CYFIP1: variants seen among roughly 807,000 people sequenced by gnomAD.
CYFIP1 encodes the protein cytoplasmic FMR1-interacting protein 1.
CYFIP1 carries 58 observed loss-of-function variants against 163.5 expected under a neutral mutation model. The observed-to-expected ratio is 0.35, with a 90% CI of 0.29 to 0.44. The LOEUF (loss-of-function observed/expected upper bound fraction) is 0.44, where lower values mean the gene tolerates loss of function less well. Ranked by LOEUF, CYFIP1 falls within the 20% of genes least tolerant of loss-of-function variation. The pLI, the probability that CYFIP1 is intolerant of heterozygous loss-of-function variation, is 1.00. For missense variants in CYFIP1, 1,338 were observed against 1,653.8 expected (o/e 0.81, Z 3.31); for synonymous variants, 663 against 660.7 (o/e 1.00, Z -0.05).
intron 1 of CYFIP1, among the ~76,000 whole-genome samples, chr15:22,965,385 G>T (rs2062870077): frequency 6.6e-6 from 1 of 152,210 alleles, no homozygotes; most frequent in South Asian, 2.1e-4. Flanking sequence ...CTTGAACCTG[G>T]AAGGCAGAGG....
At chr15:22,962,992 C>G (rs897696788) in intron 1 of CYFIP1, among the ~76,000 whole-genome samples, 1 of 152,148 alleles carries the variant, frequency 6.6e-6, no homozygotes, top group African/African-American at 2.4e-5. Flanking sequence ...AATACCTGGG[C>G]AACACATGCT....
chr15:22,903,879 G>A lies in CYFIP1; in HGVS notation c.2415C>T (p.Asn805=), dbSNP rs143458231. The A allele has an allele frequency of 3.7e-6, 6 of 1,614,128 alleles. No individual in the cohort carries two copies. Among genetic ancestry groups the A allele is most frequent in the South Asian group, 1.1e-5 (1 of 91,086 alleles). The change falls in exon 22 of 31, where the codon AAC becomes AAT. Residue 805 remains asparagine (N), a synonymous_variant. Coordinates refer to ENST00000617928, the MANE Select transcript of CYFIP1 (RefSeq NM_014608.6). ...GGCTCAGCAGCTTGTGGGTCATGCG[G>A]TTGATTTCCAACAGGCCATCCAGCT... The part of the protein sequence containing the change: ...IVELDGLLEI[N]RMTHKLLSRY...
At chr15:22,915,424 C>T (rs1003364811) in intron 16 of CYFIP1, among the ~76,000 whole-genome samples, 4 of 151,976 alleles carry the variant, frequency 2.6e-5, no homozygotes, top group African/African-American at 9.7e-5. Context: ...CTGTGTCTTA[C>T]CTAAAAATGT....
At chr15:22,872,337 A>G (rs1027350819) in intron 30 of CYFIP1, among the ~76,000 whole-genome samples, 4 of 151,970 alleles carry the variant, frequency 2.6e-5, no homozygotes, top group Non-Finnish European at 5.9e-5. Flanking sequence ...CTGATACAAC[A>G]AAGAGATGTG....
intron 16 of CYFIP1, chr15:22,915,135 T>TC (rs1268627636): frequency 8.1e-6 from 3 of 371,006 alleles, no homozygotes; most frequent in Non-Finnish European, 1.4e-5. Flanking sequence ...AGTGTCTTTT[T>TC]TTTTTTTTTG....
chr15:22,927,764 A>C, intron 12 of CYFIP1, 142 bp downstream of exon 12: 2 of 795,692 alleles, frequency 2.5e-6, no homozygotes, highest in Admixed American at 4.1e-5. Context: ...GATGTACTTA[A>C]AATCACCTTG....
In CYFIP1 at chr15:22,879,093, G is replaced by A. The variant is rs543185453; in HGVS notation, c.3042+820C>T. Among the ~76,000 whole-genome samples, 572 of 150,276 alleles carry A rather than the reference G, an allele frequency of 3.8e-3. 1 individual carries two copies. Among genetic ancestry groups the A allele is most frequent in the Non-Finnish European group, 5.7e-3 (387 of 67,846 alleles). ...GGAGCTTGCAGTGAGCCAACATCAC[G>A]CCACTGCACTCCAGCCGGGGTGACA... On this transcript the variant is annotated intron_variant, in intron 26 of 30. Transcript: ENST00000617928.
Position 22,897,796 on chromosome 15 carries a change from C to T in CYFIP1, c.2589-4819G>A, listed in dbSNP as rs536839469. The stretch of plus-strand genomic sequence containing the variant: ...ACTGTGCCCAGCCTCAACAGAGTTC[C>T]ATTCTTCTTGCTAGTAGGAACTCAG... On this transcript the variant is annotated intron_variant, in intron 22 of 30. Transcript: ENST00000617928. Among the ~76,000 whole-genome samples, 50 of 152,242 alleles carry T rather than the reference C, an allele frequency of 3.3e-4. 2 individuals carry two copies. In the South Asian group the frequency reaches 9.3e-3, roughly 28 times the overall value.
intron 10 of CYFIP1, 77 bp from the exon 11 acceptor site, chr15:22,932,417 G>A: frequency 1.1e-6 from 1 of 936,656 alleles, no homozygotes. Context: ...CAGGACGCCT[G>A]TTTGGCACCA....
chr15:22,946,021 T>C (rs1444081513), intron 3 of CYFIP1, among the ~76,000 whole-genome samples: 1 of 152,186 alleles, frequency 6.6e-6, no homozygotes. Flanking sequence ...GAAAATATTC[T>C]TGTCCAGGTG....
Position 22,918,867 on chromosome 15 carries a change from G to C in CYFIP1, c.1360-9C>G, listed in dbSNP as rs749127913. ...TTGATCATGGCGATCACCTGCGGGG[G>C]ACACAGCAACAGGGACGGCCCTTCT... On this transcript the variant is annotated splice_polypyrimidine_tract_variant and intron_variant, in intron 13 of 30. Transcript: ENST00000617928. 6.3e-7 allele frequency: 1 copy of C among 1,587,546 alleles called. No homozygotes were observed. Among genetic ancestry groups the C allele is most frequent in the South Asian group, 1.2e-5 (1 of 86,760 alleles).
chr15:22,894,723 T>C (rs1395818985), intron 22 of CYFIP1, among the ~76,000 whole-genome samples: 1 of 151,362 alleles, frequency 6.6e-6, no homozygotes, highest in Non-Finnish European at 1.5e-5. Context: ...ACAGAACTGT[T>C]GAAGTAATGC....
Position 22,951,972 on chromosome 15 carries a change from G to A in CYFIP1, c.-6-4681C>T, listed in dbSNP as rs150015988. 5.7e-3 allele frequency among the ~76,000 whole-genome samples: 864 copies of A among 152,308 alleles called. 7 individuals carry two copies. Among genetic ancestry groups the A allele is most frequent in the African/African-American group, 0.02 (829 of 41,562 alleles). The stretch of plus-strand genomic sequence containing the variant: ...GAACCCATGGAAAAACGCCAGATGC[G>A]CAGCTTGTTCCAAGCCAGTGCTTGC... On this transcript the variant is annotated intron_variant, in intron 1 of 30. Coordinates refer to ENST00000617928, the MANE Select transcript of CYFIP1 (RefSeq NM_014608.6).
chr15:22,888,874 C>T (rs1038110895), intron 23 of CYFIP1, among the ~76,000 whole-genome samples: 2 of 151,862 alleles, frequency 1.3e-5, no homozygotes, highest in African/African-American at 2.4e-5. Context: ...AACCCTGTCT[C>T]GACTAAAAAT....
intron 22 of CYFIP1, among the ~76,000 whole-genome samples, chr15:22,900,042 G>A (rs1299922080): frequency 6.6e-6 from 1 of 152,062 alleles, no homozygotes; most frequent in African/African-American, 2.4e-5. Flanking sequence ...AGACTCCGTC[G>A]AAAAAGATAT....
intron 23 of CYFIP1, among the ~76,000 whole-genome samples, chr15:22,890,127 C>A (rs12910544): frequency 0.59 from 88,175 of 150,408 alleles, 26,456 homozygotes; most frequent in East Asian, 0.77. Flanking sequence ...CATGGTGAAA[C>A]CCCATCTCTA....
At chr15:22,967,333 G>A (rs1206820308) in intron 1 of CYFIP1, among the ~76,000 whole-genome samples, 1 of 152,178 alleles carries the variant, frequency 6.6e-6, no homozygotes, top group East Asian at 1.9e-4. Context: ...GCTCAGGACA[G>A]GTGACTTCAG....
At chr15:22,976,015 TGACC>T (rs2063263250) in intron 1 of CYFIP1, among the ~76,000 whole-genome samples, 1 of 152,202 alleles carries the variant, frequency 6.6e-6, no homozygotes, top group Non-Finnish European at 1.5e-5. Flanking sequence ...TTCCAACCAC[TGACC>T]ATGGTATGTT....
rs373522632 is a variant in CYFIP1, at chr15:22,872,525, C to T, written c.3597+300G>A. The T allele has an allele frequency of 3.2e-4, 97 of 299,282 alleles. 1 individual carries two copies. In the East Asian group the frequency reaches 6.2e-3, roughly 19 times the overall value. The allele number at this position is 299,282 out of a possible 1,614,324, so 18.5% of individuals were successfully genotyped here. On this transcript the variant is annotated intron_variant, in intron 30 of 30. Transcript: ENST00000617928. The stretch of plus-strand genomic sequence containing the variant: ...AAGGCCTTTAAAGCAGCCAAGAAAG[C>T]ACAGACTTCCAGGGGCCCGAAGACT...
Sources: gnomAD v4.1 joint callset for allele counts (sites outside exome capture counted in the v4.1 genomes callset) on GRCh38, gnomAD v4.1.1 for gene constraint, MANE v1.5 for transcripts, NCBI Gene and HGNC (gene_info 2026-07-23, HGNC 2026-07-21) for gene names.